PCDHGA2: variants seen among roughly 807,000 people sequenced by gnomAD.
PCDHGA2 encodes protocadherin gamma subfamily A, 2, also known as protocadherin gamma-A2.
Under a neutral mutation model 59.2 loss-of-function variants are expected in PCDHGA2, and 40 were observed. The ratio of observed to expected loss-of-function variants is 0.68; its 90% confidence interval spans 0.52 to 0.88. The LOEUF (loss-of-function observed/expected upper bound fraction) is 0.88, where lower values mean the gene tolerates loss of function less well. Ranked by LOEUF, PCDHGA2 falls within the 40% of genes least tolerant of loss-of-function variation. PCDHGA2 has a pLI of 0.00. For missense variants in PCDHGA2, 1,226 were observed against 1,204.0 expected, an observed-to-expected ratio of 1.02 and a Z score of -0.27; for synonymous variants, 560 against 526.0, an observed-to-expected ratio of 1.06 and a Z score of -0.89.
At chr5:141,478,493 G>A in intron 1 of PCDHGA2, 1 of 1,613,176 alleles carries the variant, frequency 6.2e-7, no homozygotes, top group Non-Finnish European at 8.5e-7. Flanking sequence ...GCGGAGCTGT[G>A]ATCCGGTGTT....
chr5:141,372,645 T>G (rs1317150065), intron 1 of PCDHGA2: 2 of 1,613,914 alleles, frequency 1.2e-6, no homozygotes, highest in African/African-American at 2.7e-5. Context: ...TTTGCCTTAT[T>G]CCTACAATCC....
intron 1 of PCDHGA2, chr5:141,372,132 C>T (rs1427906053): frequency 3.7e-6 from 6 of 1,613,718 alleles, no homozygotes; most frequent in Non-Finnish European, 5.1e-6. Context: ...TATGGTGCCG[C>T]GCTCTGCAGA....
At position 141,491,423 on chromosome 5, in the gene PCDHGA2, G is replaced by C; in HGVS notation, c.2425-3384G>C. On this transcript the variant is annotated intron_variant, in intron 1 of 3. Transcript: ENST00000394576. The surrounding 1 kb of genome is among the most constrained non-coding windows in gnomAD (Gnocchi z 6.9). ...AACGCAGACGGGGACGGGGGTGGAG[G>C]GCAGTGCTGCAGGCGCCAGGACTCA... 1 of 1,614,126 alleles carries C rather than the reference G, an allele frequency of 6.2e-7. No individual in the cohort carries two copies. Among genetic ancestry groups the C allele is most frequent in the South Asian group, 1.1e-5 (1 of 91,090 alleles).
rs2099681350 is a variant in PCDHGA2, at chr5:141,489,024, C to T, written c.2425-5783C>T. 1 of 450,378 alleles carries T rather than the reference C, an allele frequency of 2.2e-6. No individual in the cohort carries two copies. The highest frequency in any genetic ancestry group is 3.9e-6 in the Non-Finnish European group (1 of 256,582). 27.9% of individuals were successfully genotyped at this position (450,378 alleles called of 1,614,324 possible). On this transcript the variant is annotated intron_variant, in intron 1 of 3. Coordinates refer to ENST00000394576, the MANE Select transcript of PCDHGA2 (RefSeq NM_018915.4). The surrounding 1 kb of genome is among the most constrained non-coding windows in gnomAD (Gnocchi z 4.5). ...CTGCTCTTCCAGCCCGCCTCTCCTC[C>T]TCCAGCTCCCCAGCTCCACTCAAAT... is the stretch of plus-strand genomic sequence containing the variant.
At chr5:141,447,084 T>A (rs2098525776) in intron 1 of PCDHGA2, among the ~76,000 whole-genome samples, 1 of 152,186 alleles carries the variant, frequency 6.6e-6, no homozygotes, top group Non-Finnish European at 1.5e-5. Flanking sequence ...TTTTGTTGTT[T>A]AATTTTCTTT....
intron 1 of PCDHGA2, among the ~76,000 whole-genome samples, chr5:141,447,221 C>A (rs1034853072): frequency 6.6e-6 from 1 of 152,026 alleles, no homozygotes; most frequent in Non-Finnish European, 1.5e-5. Context: ...CTCACTGCAA[C>A]CTCCGCCTCC....
At chr5:141,504,483 AGGCACC>A (rs2099838618) in intron 2 of PCDHGA2, among the ~76,000 whole-genome samples, 1 of 151,954 alleles carries the variant, frequency 6.6e-6, no homozygotes, top group Non-Finnish European at 1.5e-5. Flanking sequence ...AGTACAGTGG[AGGCACC>A]TGCCCAGTCT....
In PCDHGA2 at chr5:141,388,019, C is replaced by T. The variant is rs1218468252; in HGVS notation, c.2424+46624C>T. On this transcript the variant is annotated intron_variant, in intron 1 of 3. Transcript: ENST00000394576. ...TTCCCGAGGAAATGCCCAAGGGCTC[C>T]GTAGTGGGGAACCTCGCCACGGACC... 4.1e-6 allele frequency: 6 copies of T among 1,458,652 alleles called. 1 individual carries two copies. The highest frequency in any genetic ancestry group is 2.4e-4 in the Middle Eastern group (1 of 4,164). 90.4% of individuals were successfully genotyped at this position (1,458,652 alleles called of 1,614,324 possible). A position where few individuals can be genotyped will look rare whatever the true frequency, so the allele number is the denominator to read the frequency against.
chr5:141,385,085 A>C, intron 1 of PCDHGA2: 1 of 1,614,132 alleles, frequency 6.2e-7, no homozygotes, highest in South Asian at 1.1e-5. Context: ...CAGGCTTCAG[A>C]AGGTGGCTTG....
rs2096315825 is a variant in PCDHGA2 at position 141,419,028 on chromosome 5, T to C, written c.2425-75779T>C. On this transcript the variant is annotated intron_variant, in intron 1 of 3. Coordinates refer to ENST00000394576, the MANE Select transcript of PCDHGA2 (RefSeq NM_018915.4). ...GTCAGGTGTAGCTTAAGTAGAGGTG[T>C]TCCATTTAAGATTCATTCTTCTTCT... 5.0e-6 allele frequency: 8 copies of C among 1,613,638 alleles called. No individual in the cohort carries two copies. The South Asian group carries it at 8.8e-5, about 18-fold the overall frequency.
chr5:141,360,486 C>T, intron 1 of PCDHGA2: 1 of 1,613,944 alleles, frequency 6.2e-7, no homozygotes, highest in Non-Finnish European at 8.5e-7. Context: ...TAAATATTTT[C>T]TACATAGCAG....
At chr5:141,468,995 T>G (rs533843461) in intron 1 of PCDHGA2, among the ~76,000 whole-genome samples, 1 of 147,628 alleles carries the variant, frequency 6.8e-6, no homozygotes, top group Non-Finnish European at 1.5e-5. Context: ...TTATTGTTTT[T>G]GCTGGGTGCG....
intron 1 of PCDHGA2, chr5:141,350,921 G>A (rs750148663): frequency 4.1e-5 from 66 of 1,613,946 alleles, no homozygotes; most frequent in Non-Finnish European, 5.3e-5. Flanking sequence ...GCCTCTAAGC[G>A]GCACCACCCA....
At chr5:141,464,300 A>T (rs1349155102) in intron 1 of PCDHGA2, among the ~76,000 whole-genome samples, 2 of 149,898 alleles carry the variant, frequency 1.3e-5, no homozygotes, top group African/African-American at 4.9e-5. Flanking sequence ...ACTCCATTGT[A>T]TGTGCACATA....
At chr5:141,416,947 T>G (rs1436457377) in intron 1 of PCDHGA2, 1 of 152,184 alleles carries the variant, frequency 6.6e-6, no homozygotes, top group Non-Finnish European at 1.5e-5. Flanking sequence ...CCATTGAAAC[T>G]ATTATTTTAT....
At chr5:141,388,798 TA>T in intron 1 of PCDHGA2, 3 of 1,613,888 alleles carry the variant, frequency 1.9e-6, no homozygotes, top group Non-Finnish European at 2.5e-6. Flanking sequence ...TTAAATACAT[TA>T]GATTTTGAAG....
intron 1 of PCDHGA2, among the ~76,000 whole-genome samples, chr5:141,456,818 G>A (rs1214373156): frequency 1.3e-5 from 2 of 151,890 alleles, no homozygotes; most frequent in Admixed American, 6.6e-5. Context: ...CAAAAAATTA[G>A]CCATCGTGGT....
intron 1 of PCDHGA2, among the ~76,000 whole-genome samples, chr5:141,435,383 G>A (rs1057246190): frequency 6.6e-6 from 1 of 152,016 alleles, no homozygotes; most frequent in South Asian, 2.1e-4. Flanking sequence ...ACAATATACC[G>A]TATTGCCATG....
chr5:141,398,962 T>A lies in PCDHGA2; in HGVS notation c.2424+57567T>A, dbSNP rs568248356. ...CGAGGGCATCAACTCAGAAATTACT[T>A]ATTCCTTCTACAGAACCGGGCAAAT... On this transcript the variant is annotated intron_variant, in intron 1 of 3. Coordinates refer to ENST00000394576, the MANE Select transcript of PCDHGA2 (RefSeq NM_018915.4). The A allele has an allele frequency of 2.6e-5, 42 of 1,613,934 alleles. No individual in the cohort carries two copies. Among genetic ancestry groups the A allele is most frequent in the Middle Eastern group, 3.3e-4 (2 of 6,062 alleles).
Sources: gnomAD v4.1 joint callset for allele counts (sites outside exome capture counted in the v4.1 genomes callset) on GRCh38, gnomAD v4.1.1 for gene constraint, Gnocchi (gnomAD v3.1) non-coding constraint, MANE v1.5 for transcripts, NCBI Gene and HGNC (gene_info 2026-07-23, HGNC 2026-07-21) for gene names.